The following DAPK3 variants were observed in gnomAD, a reference collection of about 807,000 sequenced individuals.
The protein encoded by DAPK3 is death associated protein kinase 3, also known as death-associated protein kinase 3.
A neutral mutation model predicts 30.6 loss-of-function variants in DAPK3; 24 were observed. The ratio of observed to expected loss-of-function variants is 0.78; its 90% CI spans 0.57 to 1.10. The LOEUF is 1.10. Among genes scored for constraint, DAPK3 ranks in the 50% least tolerant of loss-of-function variants. The pLI is 0.00. For missense variants in DAPK3, 629 were observed against 657.3 expected (o/e 0.96, Z 0.47); for synonymous variants, 341 against 284.0 (o/e 1.20, Z -2.02).
At chr19:3,968,295 G>A (rs1047416608) in intron 2 of DAPK3, among the ~76,000 whole-genome samples, 1 of 152,172 alleles carries the variant, frequency 6.6e-6, no homozygotes, top group African/African-American at 2.4e-5. Flanking sequence ...AGTAGTTCGA[G>A]ACCAGCCTGG....
chr19:3,959,016 C>A lies in DAPK3; in HGVS notation c.*85G>T. Reference sequence around the variant, plus strand: ...CGCTGGGCAAGGACAGGCACCCGGGCGATGGGAGGCGCAGCGTCCACAGGA... The same window carrying A: ...CGCTGGGCAAGGACAGGCACCCGGGAGATGGGAGGCGCAGCGTCCACAGGA... On this transcript the variant is annotated 3_prime_UTR_variant, in exon 9 of 9. Coordinates refer to ENST00000545797, the MANE Select transcript of DAPK3 (RefSeq NM_001348.3). 3.4e-6 allele frequency: 3 copies of A among 877,850 alleles called. No individual in the cohort carries two copies. The highest frequency in any genetic ancestry group is 3.3e-6 in the Non-Finnish European group (2 of 597,910). 54.4% of individuals were successfully genotyped at this position (877,850 alleles called of 1,614,324 possible).
At chr19:3,959,722 A>G (rs1341926530) in intron 8 of DAPK3, 85 bp from the exon 9 acceptor site, 2 of 1,401,910 alleles carry the variant, frequency 1.4e-6, no homozygotes, top group East Asian at 2.5e-5. Context: ...ACTGAGGTTC[A>G]GGGGCTCATC....
chr19:3,961,833 G>A (rs2039519534), intron 6 of DAPK3: 1 of 236,788 alleles, frequency 4.2e-6, no homozygotes, highest in Non-Finnish European at 8.8e-6. Context: ...GGAAAACGGG[G>A]GTGTCTAACC....
chr19:3,962,895 G>A (rs2039534105), intron 6 of DAPK3, among the ~76,000 whole-genome samples: 1 of 152,148 alleles, frequency 6.6e-6, no homozygotes, highest in South Asian at 2.1e-4. Context: ...GAGGTCAGGA[G>A]TTCAAAACCA....
intron 8 of DAPK3, 196 bp from the exon 9 acceptor site, chr19:3,959,833 A>G: frequency 1.5e-6 from 1 of 686,854 alleles, no homozygotes; most frequent in Non-Finnish European, 2.4e-6. Flanking sequence ...CCCAGGAGTC[A>G]GCCCCGTTGG....
chr19:3,963,721 C>T, intron 5 of DAPK3, 52 bp from the exon 6 acceptor site: 6 of 1,479,472 alleles, frequency 4.1e-6, no homozygotes, highest in Non-Finnish European at 5.5e-6. Flanking sequence ...CGCCCACCCT[C>T]CCAGGACCGT....
At chr19:3,964,592 A>G (rs765296423) in intron 3 of DAPK3, 39 bp downstream of exon 3, 3 of 644,988 alleles carry the variant, frequency 4.7e-6, no homozygotes, top group Admixed American at 4.7e-5. Flanking sequence ...CCACCCCCAC[A>G]CTGGCCAGGC....
At chr19:3,960,204 C>T (rs2039493919) in intron 7 of DAPK3, 100 bp from the exon 8 acceptor site, 1 of 694,502 alleles carries the variant, frequency 1.4e-6, no homozygotes, top group Non-Finnish European at 2.6e-6. Context: ...AAAGTCGCCC[C>T]CCAGCCTCTG....
chr19:3,965,011 T>G lies in DAPK3; in HGVS notation c.63-20A>C. 1 of 1,447,020 alleles carries G rather than the reference T, an allele frequency of 6.9e-7. No homozygotes were observed. 89.6% of individuals were successfully genotyped at this position (1,447,020 alleles called of 1,614,324 possible). On this transcript the variant is annotated intron_variant, in intron 2 of 8. Transcript: ENST00000545797. ...TGGCCGCTGGAGGAGGGGGAGGGAG[T>G]GAGTGGGGGTGGAGGAGGCGGAGGG...
At chr19:3,963,208 G>A (rs1361723689) in intron 6 of DAPK3, among the ~76,000 whole-genome samples, 2 of 152,046 alleles carry the variant, frequency 1.3e-5, no homozygotes, top group African/African-American at 4.8e-5. Flanking sequence ...GGGAGGTGGA[G>A]GCTGCAGTGA....
Position 3,963,680 on chromosome 19 carries a change from A to G in DAPK3, c.603-11T>C. ...ATGACACCGATGCTCCTGGGGACAG[A>G]CAAGAGGCAAGGGTCAGCGCAGCGT... On this transcript the variant is annotated splice_polypyrimidine_tract_variant and intron_variant, in intron 5 of 8. Transcript: ENST00000545797. 6.5e-7 allele frequency: 1 copy of G among 1,535,628 alleles called. No individual in the cohort carries two copies.
At chr19:3,964,527 C>G (rs903717387) in intron 3 of DAPK3, 104 bp downstream of exon 3, 1 of 1,393,880 alleles carries the variant, frequency 7.2e-7, no homozygotes, top group Non-Finnish European at 9.6e-7. Flanking sequence ...CCACGCTCCC[C>G]ACACCTCACC....
chr19:3,971,044 G>GCCGGCGCCGCCGCGCTGGCCA lies in DAPK3; in HGVS notation c.-239_-219dup, dbSNP rs1180898039. The GCCGGCGCCGCCGCGCTGGCCA allele has an allele frequency of 1.3e-5, 2 of 153,656 alleles. No homozygotes were observed. Among genetic ancestry groups the GCCGGCGCCGCCGCGCTGGCCA allele is most frequent in the East Asian group, 2.0e-4 (1 of 4,986 alleles). 9.5% of individuals were successfully genotyped at this position (153,656 alleles called of 1,614,324 possible). ...TACCCTCCGCAGCCCGGAGAATACGGCCGGCGCCGCCGCGCTGGCCACCGC... is the reference window on the plus strand; with the variant it reads ...TACCCTCCGCAGCCCGGAGAATACGGCCGGCGCCGCCGCGCTGGCCACCGGCGCCGCCGCGCTGGCCACCGC... On this transcript the variant is annotated 5_prime_UTR_variant, in exon 1 of 9. Transcript: ENST00000545797.
chr19:3,969,620 C>T, intron 2 of DAPK3, 54 bp downstream of exon 2: 1 of 1,151,910 alleles, frequency 8.7e-7, no homozygotes, highest in Non-Finnish European at 1.3e-6. Context: ...TCAGAAAACC[C>T]CACAGCGCCT....
At chr19:3,969,580 G>A in intron 2 of DAPK3, 94 bp downstream of exon 2, 1 of 839,892 alleles carries the variant, frequency 1.2e-6, no homozygotes. Flanking sequence ...TCAGCATACA[G>A]GATAAAGAAC....
chr19:3,967,775 C>A (rs1246028715), intron 2 of DAPK3, among the ~76,000 whole-genome samples: 2 of 152,130 alleles, frequency 1.3e-5, no homozygotes, highest in Non-Finnish European at 2.9e-5. Flanking sequence ...ACAAAAATTG[C>A]TACATTCTGG....
At chr19:3,961,317 G>C (rs990270962) in intron 6 of DAPK3, 156 bp from the exon 7 acceptor site, 7 of 735,360 alleles carry the variant, frequency 9.5e-6, no homozygotes, top group African/African-American at 1.7e-5. Flanking sequence ...TTCCTGCAAC[G>C]ATCCCAGACA....
intron 2 of DAPK3, among the ~76,000 whole-genome samples, chr19:3,967,105 C>T (rs2039586096): frequency 6.6e-6 from 1 of 152,188 alleles, no homozygotes; most frequent in South Asian, 2.1e-4. Context: ...ACGACCCAAG[C>T]GTGGCCTACA....
intron 2 of DAPK3, among the ~76,000 whole-genome samples, chr19:3,967,213 G>A (rs1442103948): frequency 6.6e-6 from 1 of 152,180 alleles, no homozygotes; most frequent in Non-Finnish European, 1.5e-5. Flanking sequence ...CACTTTGGGA[G>A]GCAAAAGCGT....
Sources: allele counts gnomAD v4.1 joint callset (sites outside exome capture counted in the v4.1 genomes callset), GRCh38; gene constraint gnomAD v4.1.1; transcripts MANE v1.5; gene names NCBI Gene and HGNC (gene_info 2026-07-23, HGNC 2026-07-21).